Variants in TMEM68 observed in about 807,000 individuals in gnomAD.
TMEM68 encodes the protein DGAT1/2-independent enzyme synthesizing storage lipids.
In TMEM68, 25 loss-of-function variants were observed where a neutral mutation model predicts 36.9. The observed-to-expected ratio is 0.68, with a 90% CI of 0.49 to 0.95. The LOEUF (loss-of-function observed/expected upper bound fraction) is 0.95, where lower values mean the gene tolerates loss of function less well. Ranked by LOEUF, TMEM68 falls within the 40% of genes least tolerant of loss-of-function variation. The probability of loss-of-function intolerance (pLI) is 0.00; values close to 1 mark genes in which losing one functional copy is unlikely to be tolerated. For synonymous variants in TMEM68, 131 were observed against 124.4 expected (o/e 1.05, Z -0.35); for missense variants, 333 against 392.0 (o/e 0.85, Z 1.27).
At chr8:55,765,562 G>T (rs1055149128) in intron 1 of TMEM68, among the ~76,000 whole-genome samples, 1 of 152,054 alleles carries the variant, frequency 6.6e-6, no homozygotes, top group Non-Finnish European at 1.5e-5. Context: ...GTTTGCTATC[G>T]CTATCATTCA....
intron 1 of TMEM68, among the ~76,000 whole-genome samples, chr8:55,769,018 T>TAAAAAAAA (rs200493179): frequency 2.4e-5 from 2 of 82,090 alleles, no homozygotes; most frequent in African/African-American, 9.9e-5. Flanking sequence ...ACTCTGTCTT[T>TAAAAAAAA]AAAAAAAAAA....
At chr8:55,740,545 T>C (rs1257530165) in intron 7 of TMEM68, among the ~76,000 whole-genome samples, 2 of 152,126 alleles carry the variant, frequency 1.3e-5, no homozygotes, top group African/African-American at 2.4e-5. Context: ...TATCAGACTG[T>C]AAGCTCCTTA....
At chr8:55,767,887 G>C (rs565222186) in intron 1 of TMEM68, among the ~76,000 whole-genome samples, 1 of 152,178 alleles carries the variant, frequency 6.6e-6, no homozygotes, top group Non-Finnish European at 1.5e-5. Context: ...AGTGAGCCGA[G>C]ATCATGCCAC....
At chr8:55,751,951 G>A (rs1665273022) in intron 4 of TMEM68, among the ~76,000 whole-genome samples, 2 of 152,216 alleles carry the variant, frequency 1.3e-5, no homozygotes, top group African/African-American at 4.8e-5. Context: ...GCTCACGCCT[G>A]TAATACCAGC....
At position 55,756,485 on chromosome 8, in the gene TMEM68, T is replaced by C. The variant is rs530756181; in HGVS notation, c.326-74A>G. ...TTTACAGTAAAGGATGGTTGGTAGCTCAGTCTTTTCTCACAAAAGTACACT... is the reference window on the plus strand; with the variant it reads ...TTTACAGTAAAGGATGGTTGGTAGCCCAGTCTTTTCTCACAAAAGTACACT... On this transcript the variant is annotated intron_variant, in intron 3 of 7. Transcript: ENST00000434581. 4.4e-3 allele frequency: 5,892 copies of C among 1,343,122 alleles called. 36 individuals carry two copies. Among genetic ancestry groups the C allele is most frequent in the South Asian group, 0.014 (889 of 63,884 alleles). The allele number at this position is 1,343,122 out of a possible 1,614,324, so 83.2% of individuals were successfully genotyped here. A position where few individuals can be genotyped will look rare whatever the true frequency, so the allele number is the denominator to read the frequency against.
chr8:55,751,002 G>A lies in TMEM68; in HGVS notation c.649C>T (p.Arg217Cys), dbSNP rs761724186. 35 of 1,612,934 alleles carry A rather than the reference G, an allele frequency of 2.2e-5. No homozygotes were observed. The highest frequency in any genetic ancestry group is 2.8e-5 in the Non-Finnish European group (33 of 1,179,834). ...ATTGCAACCTGAGCAAAGCCTCTGCGATGACCCCATACGATGTTATAAGTT... is the reference window on the plus strand; with the variant it reads ...ATTGCAACCTGAGCAAAGCCTCTGCAATGACCCCATACGATGTTATAAGTT... ...DETYNIVWGH[R>C]RGFAQVAIDA... Residue 217 changes from arginine to cysteine, a missense_variant, in exon 5 of 8, where the codon CGC (arginine) becomes TGC (cysteine). Physicochemically the swap from Arg to Cys is radical, Grantham distance 180. Transcript: ENST00000434581.
intron 7 of TMEM68, among the ~76,000 whole-genome samples, chr8:55,740,808 C>T (rs966631109): frequency 3.9e-5 from 6 of 152,132 alleles, no homozygotes; most frequent in Non-Finnish European, 8.8e-5. Flanking sequence ...ATCCTCCTGC[C>T]TTGGCCTCCC....
At chr8:55,753,395 A>G (rs1374327781) in intron 4 of TMEM68, among the ~76,000 whole-genome samples, 2 of 152,202 alleles carry the variant, frequency 1.3e-5, no homozygotes, top group Non-Finnish European at 2.9e-5. Context: ...ATGAAGTAAA[A>G]TAAATCAAAA....
Position 55,752,282 on chromosome 8 carries a change from G to A in TMEM68, c.494-1125C>T, listed in dbSNP as rs149722920. 4.0e-3 allele frequency among the ~76,000 whole-genome samples: 605 copies of A among 151,960 alleles called. 14 individuals are homozygous for A. The highest frequency in any genetic ancestry group is 0.028 in the Admixed American group (427 of 15,240). On this transcript the variant is annotated intron_variant, in intron 4 of 7. Coordinates refer to ENST00000434581, the MANE Select transcript of TMEM68 (RefSeq NM_001286657.2). ...AAGATCTGAGGCAAGTTTATAAATA[G>A]CATTAAGATTAAAATAATTGTCAGA...
intron 1 of TMEM68, among the ~76,000 whole-genome samples, chr8:55,770,466 G>C (rs1386095742): frequency 6.6e-6 from 1 of 152,168 alleles, no homozygotes; most frequent in Non-Finnish European, 1.5e-5. Context: ...CTTGAGTTCA[G>C]GAGTTTGAGA....
chr8:55,741,231 T>TCAAAA (rs535865414), intron 7 of TMEM68, among the ~76,000 whole-genome samples: 100 of 152,178 alleles, frequency 6.6e-4, no homozygotes, highest in African/African-American at 2.3e-3. Flanking sequence ...AAACTCTGTC[T>TCAAAA]CAAAACAAAA....
In TMEM68 at chr8:55,743,227, G is replaced by A. The variant is rs148607865; in HGVS notation, c.888+254C>T. 2.1e-4 allele frequency among the ~76,000 whole-genome samples: 32 copies of A among 152,120 alleles called. 1 individual carries two copies. Among genetic ancestry groups the A allele is most frequent in the South Asian group, 1.0e-3 (5 of 4,826 alleles). On this transcript the variant is annotated intron_variant, in intron 7 of 7. Transcript: ENST00000434581. Reference sequence around the variant, plus strand: ...ATAGGAATATATTCCTATCCTACAAGTTACCATAAATTCTATCACTGGCCC... The same window carrying A: ...ATAGGAATATATTCCTATCCTACAAATTACCATAAATTCTATCACTGGCCC...
chr8:55,741,592 C>T (rs966247039), intron 7 of TMEM68, among the ~76,000 whole-genome samples: 60 of 152,114 alleles, frequency 3.9e-4, no homozygotes, highest in African/African-American at 1.4e-3. Flanking sequence ...GAAGTTCAGA[C>T]CTGAGAGCCC....
intron 7 of TMEM68, among the ~76,000 whole-genome samples, chr8:55,742,367 T>A (rs190098256): frequency 3.2e-4 from 48 of 152,320 alleles, no homozygotes; most frequent in African/African-American, 1.1e-3. Context: ...TAAAAATGGT[T>A]AAGATAGTAC....
chr8:55,754,944 T>TACACAC (rs71256561), intron 4 of TMEM68, among the ~76,000 whole-genome samples: 7 of 134,900 alleles, frequency 5.2e-5, no homozygotes, highest in African/African-American at 2.0e-4. Context: ...TATATATTTA[T>TACACAC]ACACACACAC....
rs557435367 is a variant in TMEM68, at chr8:55,772,240, T to C, written c.-115+1029A>G. Among the ~76,000 whole-genome samples, 5 of 152,332 alleles carry C rather than the reference T, an allele frequency of 3.3e-5. No individual in the cohort carries two copies. In the South Asian group the frequency reaches 6.2e-4, roughly 19 times the overall value. ...ACTAGTAAATGTGGCCAAAATACTATTGAAAATACCATTCAAAATGCATGA... is the reference window on the plus strand; with the variant it reads ...ACTAGTAAATGTGGCCAAAATACTACTGAAAATACCATTCAAAATGCATGA... On this transcript the variant is annotated intron_variant, in intron 1 of 7. Transcript: ENST00000434581.
intron 7 of TMEM68, among the ~76,000 whole-genome samples, chr8:55,742,622 C>T (rs1445928070): frequency 5.3e-5 from 8 of 152,112 alleles, no homozygotes; most frequent in Non-Finnish European, 1.0e-4. Flanking sequence ...TCACTGTAAC[C>T]TTGACCTCCT....
At chr8:55,772,458 T>A (rs1350931268) in intron 1 of TMEM68, among the ~76,000 whole-genome samples, 1 of 152,206 alleles carries the variant, frequency 6.6e-6, no homozygotes, top group Non-Finnish European at 1.5e-5. Context: ...CGCTGCTGTT[T>A]CCATTTTCTC....
chr8:55,757,383 G>C lies in TMEM68; in HGVS notation c.326-972C>G, dbSNP rs1810638720. Reference sequence around the variant, plus strand: ...TAAAGTCCCACGGTAGGCTAGTATTGAATGTAGAATCTCTGGAAGCCCCAG... The same window carrying C: ...TAAAGTCCCACGGTAGGCTAGTATTCAATGTAGAATCTCTGGAAGCCCCAG... On this transcript the variant is annotated intron_variant, in intron 3 of 7. Coordinates refer to ENST00000434581, the MANE Select transcript of TMEM68 (RefSeq NM_001286657.2). Among the ~76,000 whole-genome samples the C allele has an allele frequency of 2.0e-5, 3 of 152,274 alleles. No homozygotes were observed. In the South Asian group the frequency reaches 6.2e-4, roughly 32 times the overall value.
Sources: gnomAD v4.1 joint callset for allele counts (sites outside exome capture counted in the v4.1 genomes callset) on GRCh38, gnomAD v4.1.1 for gene constraint, MANE v1.5 for transcripts, NCBI Gene and HGNC (gene_info 2026-07-23, HGNC 2026-07-21) for gene names.